Variants in SEMA3E observed in about 807,000 individuals in gnomAD.
SEMA3E encodes the protein semaphorin 3E, also known as semaphorin-3E.
A neutral mutation model predicts 93.6 loss-of-function variants in SEMA3E; 49 were observed. That is an observed-to-expected ratio of 0.52 (90% CI 0.42 to 0.66). SEMA3E has a LOEUF of 0.66. Among genes scored for constraint, SEMA3E ranks in the 30% least tolerant of loss-of-function variants. The probability of loss-of-function intolerance (pLI) is 0.00; values close to 1 mark genes in which losing one functional copy is unlikely to be tolerated. For missense variants in SEMA3E, 906 were observed against 964.8 expected (o/e 0.94, Z 0.81); for synonymous variants, 363 against 330.7 (o/e 1.10, Z -1.06).
rs937018789 is a variant in SEMA3E at position 83,608,074 on chromosome 7, T to A, written c.115+40354A>T. Among the ~76,000 whole-genome samples the A allele has an allele frequency of 2.6e-5, 4 of 152,088 alleles. No homozygotes were observed. The East Asian group carries it at 7.8e-4, about 30-fold the overall frequency. ...AAAGACGCAAAAAATTAGCTGGGCATGGTGACATGCACCTGTCAATCCTAG... is the reference window on the plus strand; with the variant it reads ...AAAGACGCAAAAAATTAGCTGGGCAAGGTGACATGCACCTGTCAATCCTAG... On this transcript the variant is annotated intron_variant, in intron 1 of 16. Transcript: ENST00000643230.
intron 1 of SEMA3E, among the ~76,000 whole-genome samples, chr7:83,510,970 A>G (rs1484331336): frequency 6.6e-6 from 1 of 152,170 alleles, no homozygotes; most frequent in African/African-American, 2.4e-5. Context: ...TCATTGGCAG[A>G]AAGTTATTTT....
chr7:83,544,223 A>T (rs1399150081), intron 1 of SEMA3E, among the ~76,000 whole-genome samples: 1 of 152,066 alleles, frequency 6.6e-6, no homozygotes, highest in African/African-American at 2.4e-5. Context: ...AATTTCTTTT[A>T]TTGTGTTCTT....
chr7:83,455,644 T>C lies in SEMA3E; in HGVS notation c.456+10838A>G, dbSNP rs188559571. On this transcript the variant is annotated intron_variant, in intron 4 of 16. Transcript: ENST00000643230. ...AGAAATCACTCCTTATACTACTTTA[T>C]ATGGCAAACGTGATGGGATAGTCAT... Among the ~76,000 whole-genome samples, 3 of 152,354 alleles carry C rather than the reference T, an allele frequency of 2.0e-5. No homozygotes were observed. In the East Asian group the frequency reaches 5.8e-4, roughly 29 times the overall value.
chr7:83,582,397 G>A (rs573720675), intron 1 of SEMA3E, among the ~76,000 whole-genome samples: 9 of 151,942 alleles, frequency 5.9e-5, no homozygotes, highest in East Asian at 5.8e-4. Flanking sequence ...AACTTGTCAC[G>A]TGAGTGGCCC....
At chr7:83,607,803 G>A (rs1278135340) in intron 1 of SEMA3E, among the ~76,000 whole-genome samples, 3 of 152,158 alleles carry the variant, frequency 2.0e-5, no homozygotes, top group Admixed American at 1.3e-4. Flanking sequence ...GTGAACTGGA[G>A]GAAACAGTGG....
chr7:83,532,874 C>A (rs1168452769), intron 1 of SEMA3E, among the ~76,000 whole-genome samples: 4 of 151,824 alleles, frequency 2.6e-5, no homozygotes, highest in African/African-American at 9.7e-5. Flanking sequence ...TTAATTAACA[C>A]GTGATGTGAT....
chr7:83,546,049 A>G (rs142997246), intron 1 of SEMA3E, among the ~76,000 whole-genome samples: 2,433 of 147,274 alleles, frequency 0.017, 62 homozygotes, highest in African/African-American at 0.057. Flanking sequence ...ATATAATTAT[A>G]TATGTACACA....
intron 1 of SEMA3E, among the ~76,000 whole-genome samples, chr7:83,605,360 A>G (rs1357612711): frequency 1.3e-5 from 2 of 150,338 alleles, no homozygotes; most frequent in Non-Finnish European, 3.0e-5. Context: ...TGTGGTTTTT[A>G]TTTGCATTTC....
chr7:83,420,225 A>G (rs1297824039), intron 4 of SEMA3E, among the ~76,000 whole-genome samples: 1 of 152,176 alleles, frequency 6.6e-6, no homozygotes, highest in Non-Finnish European at 1.5e-5. Context: ...ATCTACAAAT[A>G]CATCTAAGCA....
At chr7:83,634,292 G>A (rs1793839496) in intron 1 of SEMA3E, among the ~76,000 whole-genome samples, 1 of 151,798 alleles carries the variant, frequency 6.6e-6, no homozygotes, top group Non-Finnish European at 1.5e-5. Flanking sequence ...TGCTTTATTA[G>A]TGTGTAAGCT....
At chr7:83,524,602 CA>C (rs1791116050) in intron 1 of SEMA3E, among the ~76,000 whole-genome samples, 1 of 152,064 alleles carries the variant, frequency 6.6e-6, no homozygotes, top group Non-Finnish European at 1.5e-5. Context: ...AATATTGTGA[CA>C]TTTTAAAAGC....
intron 2 of SEMA3E, among the ~76,000 whole-genome samples, chr7:83,474,095 T>TAAAAA (rs11324407): frequency 7.4e-5 from 8 of 108,582 alleles, no homozygotes; most frequent in Non-Finnish European, 1.1e-4. Context: ...CTATCTCAAT[T>TAAAAA]AAAAAAAAAA....
chr7:83,593,995 G>T lies in SEMA3E; in HGVS notation c.115+54433C>A, dbSNP rs539999512. Among the ~76,000 whole-genome samples, 3 of 152,084 alleles carry T rather than the reference G, an allele frequency of 2.0e-5. 1 individual carries two copies. The South Asian group carries it at 6.2e-4, about 32-fold the overall frequency. ...TATAAAAATATTTCATTTCACATTT[G>T]TTAAAGAGTGTTTGTATTTGGAGGT... On this transcript the variant is annotated intron_variant, in intron 1 of 16. Transcript: ENST00000643230.
At chr7:83,512,992 G>A (rs532399906) in intron 1 of SEMA3E, among the ~76,000 whole-genome samples, 1 of 152,064 alleles carries the variant, frequency 6.6e-6, no homozygotes, top group African/African-American at 2.4e-5. Context: ...TTGAAACACG[G>A]ATAGTAAAGA....
intron 1 of SEMA3E, among the ~76,000 whole-genome samples, chr7:83,632,732 T>C (rs949045213): frequency 6.6e-6 from 1 of 152,232 alleles, no homozygotes; most frequent in Admixed American, 6.5e-5. Flanking sequence ...TCATGACTTA[T>C]GTCCTTCCTG....
intron 1 of SEMA3E, among the ~76,000 whole-genome samples, chr7:83,532,110 GAC>G (rs908105995): frequency 3.3e-5 from 5 of 151,992 alleles, no homozygotes; most frequent in Non-Finnish European, 5.9e-5. Flanking sequence ...AAAAATTTAA[GAC>G]AACATTAAAA....
At chr7:83,577,812 A>G (rs975507959) in intron 1 of SEMA3E, among the ~76,000 whole-genome samples, 2 of 152,052 alleles carry the variant, frequency 1.3e-5, no homozygotes, top group African/African-American at 4.8e-5. Flanking sequence ...TCAATTCAGA[A>G]TATTGAAAGT....
intron 1 of SEMA3E, among the ~76,000 whole-genome samples, chr7:83,529,614 G>T (rs1791241789): frequency 1.3e-5 from 2 of 152,054 alleles, no homozygotes; most frequent in Admixed American, 1.3e-4. Context: ...CTTGACTTTA[G>T]CTAGTCTATC....
chr7:83,512,731 T>C (rs986465603), intron 1 of SEMA3E, among the ~76,000 whole-genome samples: 2 of 152,306 alleles, frequency 1.3e-5, no homozygotes, highest in African/African-American at 4.8e-5. Context: ...TATATTTCTG[T>C]ACTTTGAATA....
Sources: gnomAD v4.1 joint callset for allele counts (sites outside exome capture counted in the v4.1 genomes callset) on GRCh38, gnomAD v4.1.1 for gene constraint, MANE v1.5 for transcripts, NCBI Gene and HGNC (gene_info 2026-07-23, HGNC 2026-07-21) for gene names.